CTNND2: variants seen among roughly 807,000 people sequenced by gnomAD.
CTNND2 encodes catenin delta 2.
Under a neutral mutation model 144.4 loss-of-function variants are expected in CTNND2, and 22 were observed. That is an observed-to-expected ratio of 0.15 (90% CI 0.11 to 0.22). The LOEUF is 0.22. Ranked by LOEUF, CTNND2 falls within the 10% of genes least tolerant of loss-of-function variation. CTNND2 has a pLI of 1.00. For missense variants in CTNND2, 1,353 were observed against 1,618.8 expected (o/e 0.84, Z 2.82); for synonymous variants, 751 against 695.6 (o/e 1.08, Z -1.25).
At chr5:11,656,744 G>C (rs1380823438) in intron 2 of CTNND2, among the ~76,000 whole-genome samples, 1 of 152,262 alleles carries the variant, frequency 6.6e-6, no homozygotes, top group South Asian at 2.1e-4. Context: ...CTCCGTAACA[G>C]TGAGGAAAGG....
intron 3 of CTNND2, among the ~76,000 whole-genome samples, chr5:11,560,727 G>A (rs1776616067): frequency 1.3e-5 from 2 of 152,188 alleles, no homozygotes; most frequent in African/African-American, 4.8e-5. Context: ...TGAGCCCTGA[G>A]GTGGGTCACT....
intron 11 of CTNND2, among the ~76,000 whole-genome samples, chr5:11,191,217 G>A (rs566017247): frequency 6.6e-6 from 1 of 152,306 alleles, no homozygotes; most frequent in South Asian, 2.1e-4. Context: ...GGAGTCTGTT[G>A]AGGGTGATTT....
chr5:11,529,939 T>C (rs31782), intron 3 of CTNND2, among the ~76,000 whole-genome samples: 1 of 151,872 alleles, frequency 6.6e-6, no homozygotes, highest in Non-Finnish European at 1.5e-5. Context: ...AAAAAGTAAT[T>C]TATCTTGAAA....
chr5:11,897,381 G>A (rs1201009049), intron 1 of CTNND2, among the ~76,000 whole-genome samples: 4 of 152,114 alleles, frequency 2.6e-5, no homozygotes, highest in African/African-American at 9.7e-5. Context: ...ATTTAGAAAA[G>A]CAATGTTTAT....
chr5:11,801,834 G>T (rs1791699031), intron 1 of CTNND2, among the ~76,000 whole-genome samples: 1 of 152,072 alleles, frequency 6.6e-6, no homozygotes, highest in Non-Finnish European at 1.5e-5. Flanking sequence ...ATTTTACAGT[G>T]ATTTGTTTAA....
intron 2 of CTNND2, among the ~76,000 whole-genome samples, chr5:11,625,396 T>TCTCC (rs1379498643): frequency 3.6e-5 from 5 of 137,032 alleles, no homozygotes; most frequent in Non-Finnish European, 7.4e-5. Flanking sequence ...AAAATCTCTC[T>TCTCC]CTCTCTCTCT....
At chr5:11,002,108 T>C (rs1269567787) in intron 18 of CTNND2, among the ~76,000 whole-genome samples, 2 of 152,244 alleles carry the variant, frequency 1.3e-5, no homozygotes, top group African/African-American at 4.8e-5. Flanking sequence ...GTATATTACC[T>C]TTCTCATTAG....
chr5:11,644,907 C>CA lies in CTNND2; in HGVS notation c.175-79852dup, dbSNP rs553637359. On this transcript the variant is annotated intron_variant, in intron 2 of 21. Transcript: ENST00000304623. ...AGATATGAAGAATTCAGTTTGATGG[C>CA]AAAAAAGCAGATGTATTCTGAAATC... Among the ~76,000 whole-genome samples, 24 of 152,048 alleles carry CA rather than the reference C, an allele frequency of 1.6e-4. 1 individual carries two copies. The South Asian group carries it at 4.8e-3, about 30-fold the overall frequency.
At chr5:11,436,235 T>C (rs536290426) in intron 3 of CTNND2, among the ~76,000 whole-genome samples, 9 of 152,054 alleles carry the variant, frequency 5.9e-5, no homozygotes, top group Non-Finnish European at 8.8e-5. Context: ...TACAAAGACC[T>C]TTCTACAGTC....
chr5:11,029,048 G>A (rs1410314981), intron 16 of CTNND2, among the ~76,000 whole-genome samples: 1 of 152,196 alleles, frequency 6.6e-6, no homozygotes, highest in Non-Finnish European at 1.5e-5. Context: ...TCCATTGCAT[G>A]TATATATCAT....
At chr5:11,065,699 G>A (rs1276363581) in intron 16 of CTNND2, among the ~76,000 whole-genome samples, 1 of 152,100 alleles carries the variant, frequency 6.6e-6, no homozygotes, top group Non-Finnish European at 1.5e-5. Context: ...CTCATCAGAT[G>A]GGTTTATTTA....
intron 10 of CTNND2, among the ~76,000 whole-genome samples, chr5:11,221,143 A>G (rs1022860264): frequency 6.6e-5 from 10 of 152,226 alleles, no homozygotes; most frequent in Non-Finnish European, 1.5e-4. Flanking sequence ...ATGAGCACCT[A>G]TAGCTTTTCT....
At chr5:11,275,638 T>C (rs775241178) in intron 9 of CTNND2, among the ~76,000 whole-genome samples, 2 of 152,216 alleles carry the variant, frequency 1.3e-5, no homozygotes, top group Non-Finnish European at 2.9e-5. Flanking sequence ...ATCACTTCTC[T>C]CTCTTACACT....
intron 11 of CTNND2, among the ~76,000 whole-genome samples, chr5:11,162,065 G>T (rs1354523097): frequency 6.7e-6 from 1 of 149,228 alleles, no homozygotes; most frequent in Non-Finnish European, 1.5e-5. Context: ...CAGGAGAATT[G>T]CTTGAACCTG....
At chr5:11,580,770 C>T (rs570309338) in intron 2 of CTNND2, among the ~76,000 whole-genome samples, 27 of 152,282 alleles carry the variant, frequency 1.8e-4, no homozygotes, top group African/African-American at 6.0e-4. Context: ...TAAAATGATT[C>T]TATCTTCTGT....
chr5:11,338,324 A>T (rs897082552), intron 9 of CTNND2, among the ~76,000 whole-genome samples: 3 of 152,016 alleles, frequency 2.0e-5, no homozygotes, highest in Non-Finnish European at 1.5e-5. Flanking sequence ...GGTCTCACAG[A>T]CCTCTCTGCA....
chr5:11,335,246 C>T lies in CTNND2; in HGVS notation c.1628+11126G>A, dbSNP rs1383774283. Among the ~76,000 whole-genome samples the T allele has an allele frequency of 3.9e-5, 6 of 152,184 alleles. No individual in the cohort carries two copies. In the South Asian group the frequency reaches 1.2e-3, roughly 32 times the overall value. The stretch of plus-strand genomic sequence containing the variant: ...TTTTTTACTATAAAATGCTAATCTT[C>T]TCCTTATCAAGGTCAGTATCTCCAA... On this transcript the variant is annotated intron_variant, in intron 9 of 21. Transcript: ENST00000304623.
chr5:10,978,111 C>T (rs1045485265), intron 21 of CTNND2, among the ~76,000 whole-genome samples: 3 of 152,216 alleles, frequency 2.0e-5, no homozygotes, highest in Non-Finnish European at 4.4e-5. Context: ...AGAGGACAAG[C>T]TTCGATGCTG....
intron 1 of CTNND2, among the ~76,000 whole-genome samples, chr5:11,790,444 A>G (rs4613708): frequency 0.017 from 2,525 of 152,210 alleles, 68 homozygotes; most frequent in African/African-American, 0.054. Context: ...AGGTCCCCTT[A>G]CTGTGTCAGT....
Sources: allele counts gnomAD v4.1 joint callset (sites outside exome capture counted in the v4.1 genomes callset), GRCh38; gene constraint gnomAD v4.1.1; transcripts MANE v1.5; gene names NCBI Gene and HGNC (gene_info 2026-07-23, HGNC 2026-07-21).